Variants in RPH3AL observed in about 807,000 individuals in gnomAD.
RPH3AL encodes rabphilin 3A like (without C2 domains).
A neutral mutation model predicts 43.1 loss-of-function variants in RPH3AL; 38 were observed. That is an observed-to-expected ratio of 0.88 (90% CI 0.68 to 1.15). RPH3AL has a LOEUF of 1.15. Ranked by LOEUF, RPH3AL falls within the 50% of genes most tolerant of loss-of-function variation. The probability of loss-of-function intolerance (pLI) is 0.00; values close to 1 mark genes in which losing one functional copy is unlikely to be tolerated. For missense variants in RPH3AL, 462 were observed against 423.2 expected, an observed-to-expected ratio of 1.09 and a Z score of -0.81; for synonymous variants, 189 against 176.3, an observed-to-expected ratio of 1.07 and a Z score of -0.57.
At chr17:291,516 G>A (rs1245596646) in intron 5 of RPH3AL, among the ~76,000 whole-genome samples, 1 of 152,204 alleles carries the variant, frequency 6.6e-6, no homozygotes, top group African/African-American at 2.4e-5. Context: ...TGCTTACAGA[G>A]GGGTCATCCC....
chr17:341,085 C>G (rs1344551396), intron 1 of RPH3AL: 2 of 104,696 alleles, frequency 1.9e-5, no homozygotes, highest in African/African-American at 8.1e-5. Context: ...ACACTCACTG[C>G]CCCCTCCCAG....
At chr17:291,044 T>C (rs1361270801) in intron 5 of RPH3AL, among the ~76,000 whole-genome samples, 2 of 152,124 alleles carry the variant, frequency 1.3e-5, no homozygotes, top group Non-Finnish European at 2.9e-5. Flanking sequence ...CCTCAAACGT[T>C]GCGTACAAGG....
intron 6 of RPH3AL, among the ~76,000 whole-genome samples, chr17:273,064 A>C (rs1199577442): frequency 3.6e-3 from 517 of 142,368 alleles, no homozygotes; most frequent in African/African-American, 0.013. Flanking sequence ...GACCCCAGCG[A>C]GGGCGACGTC....
At chr17:226,604 T>C (rs1350253408) in intron 7 of RPH3AL, among the ~76,000 whole-genome samples, 1 of 152,234 alleles carries the variant, frequency 6.6e-6, no homozygotes, top group African/African-American at 2.4e-5. Context: ...CAAACCCTGC[T>C]GAGAAGCCCT....
intron 6 of RPH3AL, among the ~76,000 whole-genome samples, chr17:280,794 T>G (rs1249149697): frequency 6.6e-6 from 1 of 152,010 alleles, no homozygotes; most frequent in Non-Finnish European, 1.5e-5. Context: ...TGGGGGATGG[T>G]TGAGGAGCTC....
At chr17:269,096 T>C (rs1029857980) in intron 6 of RPH3AL, among the ~76,000 whole-genome samples, 3 of 152,144 alleles carry the variant, frequency 2.0e-5, no homozygotes, top group Non-Finnish European at 4.4e-5. Flanking sequence ...GCCAGGATGG[T>C]CTCGATCTCC....
chr17:331,438 T>C (rs1234559759), intron 2 of RPH3AL: 4 of 586,856 alleles, frequency 6.8e-6, no homozygotes, highest in Non-Finnish European at 1.0e-5. Flanking sequence ...AGGTCGGACA[T>C]GAGGACCCAG....
rs112939040 is a variant in RPH3AL, at chr17:264,340, G to A, written c.439-17055C>T. ...GACAGCAGGATTACCCTTCGGAGCC[G>A]TGCGCGCTGGATGGGGACTCAGAAT... On this transcript the variant is annotated intron_variant, in intron 6 of 9. Transcript: ENST00000331302. This position sits in a 1 kb window ranked among gnomAD's most constrained non-coding sequence, Gnocchi z 4.8. Among the ~76,000 whole-genome samples the A allele has an allele frequency of 1.2e-4, 10 of 84,452 alleles. No homozygotes were observed. Among genetic ancestry groups the A allele is most frequent in the Non-Finnish European group, 1.7e-4 (7 of 41,080 alleles). 55.4% of individuals were successfully genotyped at this position (84,452 alleles called of 152,430 possible).
chr17:317,141 T>G lies in RPH3AL; in HGVS notation c.351+2279A>C, dbSNP rs1227813558. 3.3e-5 allele frequency among the ~76,000 whole-genome samples: 5 copies of G among 149,448 alleles called. No homozygotes were observed. The East Asian group carries it at 1.0e-3, about 31-fold the overall frequency. ...TCCACCTCCACTGACGTGTAGTCCCTGTGCCCCACCTCCATTGACCTTTAG... is the reference window on the plus strand; with the variant it reads ...TCCACCTCCACTGACGTGTAGTCCCGGTGCCCCACCTCCATTGACCTTTAG... On this transcript the variant is annotated intron_variant, in intron 5 of 9. Transcript: ENST00000331302.
At chr17:315,787 T>C (rs1598101498) in intron 5 of RPH3AL, among the ~76,000 whole-genome samples, 3 of 125,486 alleles carry the variant, frequency 2.4e-5, no homozygotes, top group African/African-American at 5.6e-5. Context: ...CCCATCTCTA[T>C]TGACCTGTAG....
intron 6 of RPH3AL, among the ~76,000 whole-genome samples, chr17:249,125 A>T (rs1032370117): frequency 6.6e-6 from 1 of 152,130 alleles, no homozygotes; most frequent in African/African-American, 2.4e-5. Context: ...TTCAGAAAAC[A>T]CCACATACTG....
chr17:219,659 T>C lies in RPH3AL; in HGVS notation c.691A>G (p.Arg231Gly). Reference protein sequence around the residue: ...LEDRLPSTGVRDRKGDKPWKE... With the variant: ...LEDRLPSTGVGDRKGDKPWKE... Reference sequence around the variant, plus strand: ...CAGGGTTTGTCGCCTTTCCGGTCCCTGACCCCAGTGGATGGGAGTCTGTCC... The same window carrying C: ...CAGGGTTTGTCGCCTTTCCGGTCCCCGACCCCAGTGGATGGGAGTCTGTCC... The change falls in exon 8 of 10, where the codon AGG (arginine) becomes GGG (glycine). Residue 231 changes from arginine to glycine, a missense_variant. Coordinates refer to ENST00000331302, the MANE Select transcript of RPH3AL (RefSeq NM_006987.4). The C allele has an allele frequency of 1.9e-6, 3 of 1,611,922 alleles. No homozygotes were observed. Among genetic ancestry groups the C allele is most frequent in the South Asian group, 2.2e-5 (2 of 91,002 alleles).
intron 3 of RPH3AL, among the ~76,000 whole-genome samples, chr17:321,995 CA>C (rs2044495391): frequency 6.6e-6 from 1 of 152,120 alleles, no homozygotes; most frequent in African/African-American, 2.4e-5. Context: ...CGGAGTTCAC[CA>C]GGGGACAGGA....
rs1350030240 is a variant in RPH3AL at position 328,480 on chromosome 17, G to A, written c.-36-901C>T. ...ACACTCTTAAAAAAGATCCAGGTTC[G>A]AAATCCGTTTGACACTTCCTCAAAA... On this transcript the variant is annotated intron_variant, in intron 2 of 9. Coordinates refer to ENST00000331302, the MANE Select transcript of RPH3AL (RefSeq NM_006987.4). This position sits in a 1 kb window ranked among gnomAD's most constrained non-coding sequence, Gnocchi z 4.2. 2.0e-5 allele frequency among the ~76,000 whole-genome samples: 3 copies of A among 151,826 alleles called. No homozygotes were observed. The highest frequency in any genetic ancestry group is 3.2e-3 in the Middle Eastern group (1 of 316).
At chr17:243,811 TCTA>T (rs2041661787) in intron 7 of RPH3AL, among the ~76,000 whole-genome samples, 1 of 149,560 alleles carries the variant, frequency 6.7e-6, no homozygotes, top group African/African-American at 2.5e-5. Context: ...TGATTGCCCC[TCTA>T]CTGATTACCC....
chr17:235,992 G>C, intron 7 of RPH3AL, among the ~76,000 whole-genome samples: 1 of 151,258 alleles, frequency 6.6e-6, no homozygotes, highest in African/African-American at 2.4e-5. Flanking sequence ...ACACTAACAA[G>C]ACGGGTCCAT....
chr17:327,320 C>T, intron 3 of RPH3AL, 147 bp downstream of exon 3: 2 of 693,142 alleles, frequency 2.9e-6, no homozygotes, highest in Non-Finnish European at 5.1e-6. Flanking sequence ...ATGGCTGTGT[C>T]CAGGGCCTGG....
chr17:281,446 C>T (rs1452893083), intron 6 of RPH3AL, among the ~76,000 whole-genome samples: 1 of 152,086 alleles, frequency 6.6e-6, no homozygotes, highest in Non-Finnish European at 1.5e-5. Flanking sequence ...ATAATAACAG[C>T]CCCCACAAAC....
At chr17:258,191 T>G (rs964739510) in intron 6 of RPH3AL, among the ~76,000 whole-genome samples, 4 of 152,122 alleles carry the variant, frequency 2.6e-5, no homozygotes, top group Non-Finnish European at 5.9e-5. Context: ...GTCCTTCTGT[T>G]TTCATCTGTC....
Sources: gnomAD v4.1 joint callset for allele counts (sites outside exome capture counted in the v4.1 genomes callset) on GRCh38, gnomAD v4.1.1 for gene constraint, Gnocchi (gnomAD v3.1) non-coding constraint, MANE v1.5 for transcripts, NCBI Gene and HGNC (gene_info 2026-07-23, HGNC 2026-07-21) for gene names.